SPECC1: variants seen among roughly 807,000 people sequenced by gnomAD.
The protein encoded by SPECC1 is cytospin-B.
Under a neutral mutation model 104.1 loss-of-function variants are expected in SPECC1, and 62 were observed. That is an observed-to-expected ratio of 0.60 (90% confidence interval 0.49 to 0.74). SPECC1 has a LOEUF of 0.74. Among genes scored for constraint, SPECC1 ranks in the 30% least tolerant of loss-of-function variants. The probability of loss-of-function intolerance (pLI) is 0.00; values close to 1 mark genes in which losing one functional copy is unlikely to be tolerated. For synonymous variants in SPECC1, 513 were observed against 501.6 expected (o/e 1.02, Z -0.30); for missense variants, 1,306 against 1,310.5 (o/e 1.00, Z 0.05).
At chr17:20,084,945 A>G (rs2047119472) in intron 1 of SPECC1, among the ~76,000 whole-genome samples, 1 of 152,230 alleles carries the variant, frequency 6.6e-6, no homozygotes, top group Admixed American at 6.5e-5. Flanking sequence ...GCCTGGGTCC[A>G]GGGTGCTGTG....
At chr17:20,083,274 C>T (rs565659276) in intron 1 of SPECC1, among the ~76,000 whole-genome samples, 8 of 152,118 alleles carry the variant, frequency 5.3e-5, no homozygotes, top group Non-Finnish European at 8.8e-5. Flanking sequence ...AATGCAAAGG[C>T]GAATCAGAGT....
chr17:20,128,192 C>G (rs2049419257), intron 3 of SPECC1, among the ~76,000 whole-genome samples: 1 of 152,162 alleles, frequency 6.6e-6, no homozygotes, highest in Non-Finnish European at 1.5e-5. Context: ...ATGAGACTGA[C>G]TCATGGGTGC....
chr17:20,307,296 C>T (rs1427189625), intron 14 of SPECC1, among the ~76,000 whole-genome samples: 1 of 152,172 alleles, frequency 6.6e-6, no homozygotes, highest in Non-Finnish European at 1.5e-5. Flanking sequence ...AACTGGTTCA[C>T]CACTCAGTAT....
chr17:20,251,243 C>CAAAAAAA (rs2039623910), intron 9 of SPECC1, among the ~76,000 whole-genome samples: 1 of 44,908 alleles, frequency 2.2e-5, no homozygotes. Flanking sequence ...AAAAAAAAAG[C>CAAAAAAA]ATATGGTCAT....
chr17:20,096,743 G>T lies in SPECC1; in HGVS notation c.92G>T (p.Gly31Val), dbSNP rs757061228. 1.2e-6 allele frequency: 2 copies of T among 1,614,094 alleles called. No homozygotes were observed. Among genetic ancestry groups the T allele is most frequent in the Non-Finnish European group, 1.7e-6 (2 of 1,180,040 alleles). ...CGGCCTCTGCCTGCAGCCTCTTCCGGCATGAAGAGTTCTAAGTCTTCAACT... is the reference window on the plus strand; with the variant it reads ...CGGCCTCTGCCTGCAGCCTCTTCCGTCATGAAGAGTTCTAAGTCTTCAACT... ...RVRPLPAASS[G>V]MKSSKSSTSL... Residue 31 changes from glycine to valine, a missense_variant, in exon 2 of 15, where the codon GGC (glycine) becomes GTC (valine). Gly to Val is a moderately radical substitution (Grantham distance 109, BLOSUM62 -3). Transcript: ENST00000395527.
chr17:20,172,194 A>T (rs1368095289), intron 3 of SPECC1, among the ~76,000 whole-genome samples: 1 of 151,930 alleles, frequency 6.6e-6, no homozygotes, highest in African/African-American at 2.4e-5. Flanking sequence ...GCTTTCTTGT[A>T]CCACACCACA....
intron 3 of SPECC1, among the ~76,000 whole-genome samples, chr17:20,115,625 G>T (rs1288446153): frequency 6.6e-6 from 1 of 152,032 alleles, no homozygotes; most frequent in Non-Finnish European, 1.5e-5. Context: ...AGAAATTTTG[G>T]AATATAATCT....
At position 20,315,098 on chromosome 17, in the gene SPECC1, A is replaced by G. The variant is rs1283972524; in HGVS notation, c.*1033A>G. ...CCCACAGAACTTGACAGGAGGTCAC[A>G]TGTGTGAATGGCCTGTGTCTGCTTT... On this transcript the variant is annotated 3_prime_UTR_variant, in exon 15 of 15. Transcript: ENST00000395527. The G allele has an allele frequency of 1.3e-5, 3 of 231,920 alleles. No homozygotes were observed. The highest frequency in any genetic ancestry group is 2.5e-5 in the Non-Finnish European group (3 of 117,774). The allele number at this position is 231,920 out of a possible 1,614,324, so 14.4% of individuals were successfully genotyped here. A position where few individuals can be genotyped will look rare whatever the true frequency, so the allele number is the denominator to read the frequency against.
chr17:20,306,027 G>A lies in SPECC1; in HGVS notation c.3062G>A (p.Arg1021Lys). The A allele has an allele frequency of 6.2e-7, 1 of 1,613,810 alleles. No homozygotes were observed. The highest frequency in any genetic ancestry group is 1.3e-5 in the African/African-American group (1 of 75,042). ...CTCTTTGTCTTTTTAACTTAGAAGA[G>A]GAATCTCTTGTTGGCATTTGAAGCG... Reference protein sequence around the residue: ...YQELNSQEKKRNLLLAFEAAE... With the variant: ...YQELNSQEKKKNLLLAFEAAE... The change falls in exon 14 of 15, where the codon AGG becomes AAG. Residue 1021 changes from arginine to lysine, a missense_variant. Physicochemically the swap from Arg to Lys is conservative, Grantham distance 26. Coordinates refer to ENST00000395527, the MANE Select transcript of SPECC1 (RefSeq NM_001243439.2).
At chr17:20,140,841 A>G (rs1432544185) in intron 3 of SPECC1, among the ~76,000 whole-genome samples, 1 of 152,216 alleles carries the variant, frequency 6.6e-6, no homozygotes, top group East Asian at 1.9e-4. Context: ...TCATGAGATC[A>G]CTTCTCTGCT....
intron 12 of SPECC1, among the ~76,000 whole-genome samples, chr17:20,294,448 GCCT>G (rs890491823): frequency 2.0e-5 from 3 of 152,184 alleles, no homozygotes; most frequent in Non-Finnish European, 4.4e-5. Context: ...CCCCTGAGAA[GCCT>G]CCTACATTGT....
chr17:20,119,821 A>ATT (rs927964746), intron 3 of SPECC1, among the ~76,000 whole-genome samples: 3 of 152,222 alleles, frequency 2.0e-5, no homozygotes, highest in African/African-American at 4.8e-5. Flanking sequence ...GCTGGTTGGG[A>ATT]TTACAGCAAC....
chr17:20,226,529 T>C (rs951224808), intron 4 of SPECC1, among the ~76,000 whole-genome samples: 1 of 152,210 alleles, frequency 6.6e-6, no homozygotes, highest in Non-Finnish European at 1.5e-5. Context: ...ATAATGCTTA[T>C]TACTCTCTGA....
At chr17:20,066,473 C>T (rs879911218) in intron 1 of SPECC1, among the ~76,000 whole-genome samples, 27 of 152,196 alleles carry the variant, frequency 1.8e-4, no homozygotes, top group Non-Finnish European at 1.0e-4. Context: ...GGTCTGGAGT[C>T]ATCCATCCGG....
chr17:20,222,589 TGTA>T (rs2037953398), intron 4 of SPECC1, among the ~76,000 whole-genome samples: 1 of 152,244 alleles, frequency 6.6e-6, no homozygotes, highest in Non-Finnish European at 1.5e-5. Context: ...CTTGAAAAGT[TGTA>T]GTTATTTCTC....
intron 14 of SPECC1, among the ~76,000 whole-genome samples, chr17:20,308,578 A>G (rs1156853135): frequency 6.6e-6 from 1 of 152,154 alleles, no homozygotes; most frequent in African/African-American, 2.4e-5. Flanking sequence ...TTAAATGTAA[A>G]TATTCCTATG....
intron 12 of SPECC1, among the ~76,000 whole-genome samples, chr17:20,286,042 G>A (rs1040006946): frequency 2.0e-5 from 3 of 152,088 alleles, no homozygotes; most frequent in African/African-American, 7.2e-5. Context: ...TTGAGCTCTT[G>A]GGCTTAAGCA....
chr17:20,237,017 C>T (rs1598057651), intron 7 of SPECC1: 1 of 1,548,248 alleles, frequency 6.5e-7, no homozygotes, highest in Non-Finnish European at 8.7e-7. Flanking sequence ...TTGTGACATT[C>T]TCTGTTTCTC....
At chr17:20,263,261 T>A (rs1309938277) in intron 12 of SPECC1, among the ~76,000 whole-genome samples, 3 of 146,540 alleles carry the variant, frequency 2.0e-5, no homozygotes, top group Non-Finnish European at 4.5e-5. Context: ...CTTGGCAGCG[T>A]GACTGATGGG....
Sources: gnomAD v4.1 joint callset for allele counts (sites outside exome capture counted in the v4.1 genomes callset) on GRCh38, gnomAD v4.1.1 for gene constraint, MANE v1.5 for transcripts, NCBI Gene and HGNC (gene_info 2026-07-23, HGNC 2026-07-21) for gene names.